Variants in CDC14A observed in about 807,000 individuals in gnomAD.
CDC14A encodes dual specificity protein phosphatase CDC14A.
Under a neutral mutation model 74.4 loss-of-function variants are expected in CDC14A, and 53 were observed. The observed-to-expected ratio is 0.71, with a 90% CI of 0.57 to 0.89. The LOEUF (loss-of-function observed/expected upper bound fraction) is 0.89, where lower values mean the gene tolerates loss of function less well. Ranked by LOEUF, CDC14A falls within the 40% of genes least tolerant of loss-of-function variation. The pLI is 0.00. For missense variants in CDC14A, 646 were observed against 713.7 expected (o/e 0.91, Z 1.08); for synonymous variants, 247 against 258.4 (o/e 0.96, Z 0.43).
chr1:100,392,242 C>T (rs1460267210), intron 4 of CDC14A, among the ~76,000 whole-genome samples: 1 of 152,136 alleles, frequency 6.6e-6, no homozygotes, highest in Non-Finnish European at 1.5e-5. Flanking sequence ...TATTTTTTAC[C>T]TTACATTGAT....
intron 15 of CDC14A, among the ~76,000 whole-genome samples, chr1:100,505,788 G>C: frequency 6.6e-6 from 1 of 152,098 alleles, no homozygotes; most frequent in East Asian, 1.9e-4. Flanking sequence ...CCTGAGGCTG[G>C]GTAATTCATA....
chr1:100,491,518 A>ATCTCTCTCTCTCTCTC (rs761858427), intron 11 of CDC14A, among the ~76,000 whole-genome samples: 5 of 26,590 alleles, frequency 1.9e-4, no homozygotes, highest in Non-Finnish European at 3.2e-4. Flanking sequence ...ATATATCTGC[A>ATCTCTCTCTCTCTCTC]TCTCTCTCTC....
intron 3 of CDC14A, among the ~76,000 whole-genome samples, chr1:100,388,550 AG>A (rs1246352065): frequency 6.6e-6 from 1 of 152,196 alleles, no homozygotes. Flanking sequence ...TCAGGAAATA[AG>A]GGCATTGGCA....
chr1:100,425,950 C>T (rs935998895), intron 5 of CDC14A, among the ~76,000 whole-genome samples: 1 of 152,196 alleles, frequency 6.6e-6, no homozygotes, highest in African/African-American at 2.4e-5. Flanking sequence ...ATAAGTATCT[C>T]GGACAAATTA....
chr1:100,497,761 C>A (rs879915543), intron 13 of CDC14A, among the ~76,000 whole-genome samples: 5 of 152,182 alleles, frequency 3.3e-5, no homozygotes, highest in Non-Finnish European at 7.3e-5. Flanking sequence ...GGTTTGAATC[C>A]CAGGTCTGCT....
chr1:100,406,825 C>A (rs1402185833), intron 4 of CDC14A, among the ~76,000 whole-genome samples: 1 of 151,688 alleles, frequency 6.6e-6, no homozygotes, highest in African/African-American at 2.4e-5. Context: ...TCTCAGGAGG[C>A]TGAGGCAGGA....
intron 5 of CDC14A, among the ~76,000 whole-genome samples, chr1:100,438,400 G>A (rs1664574913): frequency 1.3e-5 from 2 of 152,136 alleles, no homozygotes; most frequent in Admixed American, 1.3e-4. Flanking sequence ...CAGAGACTCT[G>A]AACCCCAAAG....
In CDC14A at chr1:100,438,054, A is replaced by T. The variant is rs186650010; in HGVS notation, c.390-1878A>T. 3.8e-3 allele frequency among the ~76,000 whole-genome samples: 573 copies of T among 152,242 alleles called. 1 individual carries two copies. The highest frequency in any genetic ancestry group is 6.9e-3 in the Non-Finnish European group (468 of 67,990). ...AATTATAAAGTTACATCCAATTATA[A>T]ATGTTGTAAATAAACTGTAGTAGCA... On this transcript the variant is annotated intron_variant, in intron 5 of 15. Coordinates refer to ENST00000336454, the MANE Select transcript of CDC14A (RefSeq NM_003672.4).
rs28364872 is a variant in CDC14A, at chr1:100,455,389, T to C, written c.520-16T>C. 2,434 of 1,557,554 alleles carry C rather than the reference T, an allele frequency of 1.6e-3. 37 individuals carry two copies. In the African/African-American group the frequency reaches 0.03, roughly 19 times the overall value. On this transcript the variant is annotated splice_polypyrimidine_tract_variant and intron_variant, in intron 7 of 15. Transcript: ENST00000336454. ...ATAAAATATTTTTCTTCTCTTTTCT[T>C]ACAAAATTCTGCCAGCGAGTTGAAA...
In CDC14A at chr1:100,508,919, A is replaced by T. The variant is rs1239143197; in HGVS notation, c.1756-9332A>T. 1.3e-5 allele frequency among the ~76,000 whole-genome samples: 2 copies of T among 152,174 alleles called. No individual in the cohort carries two copies. Among genetic ancestry groups the T allele is most frequent in the African/African-American group, 4.8e-5 (2 of 41,446 alleles). Reference sequence around the variant, plus strand: ...TTTCTTTCTTCTTCATCTTTAAAAAATATTTAATGCATGCATCCAGAGGGT... The same window carrying T: ...TTTCTTTCTTCTTCATCTTTAAAAATTATTTAATGCATGCATCCAGAGGGT... On this transcript the variant is annotated intron_variant, in intron 15 of 15. Coordinates refer to ENST00000336454, the MANE Select transcript of CDC14A (RefSeq NM_003672.4). This position sits in a 1 kb window ranked among gnomAD's most constrained non-coding sequence, Gnocchi z 4.4.
At chr1:100,383,659 G>T in intron 3 of CDC14A, 1 of 152,630 alleles carries the variant, frequency 6.6e-6, no homozygotes. Flanking sequence ...ATGATGCCTT[G>T]GTCATTGCGG....
intron 1 of CDC14A, 121 bp downstream of exon 1, chr1:100,353,124 C>G (rs1484098658): frequency 1.6e-5 from 17 of 1,072,120 alleles, no homozygotes; most frequent in Non-Finnish European, 2.1e-5. Flanking sequence ...CGCGCGCTCT[C>G]GTCCCCTCTA....
At chr1:100,346,564 T>C (rs1279968147) in intron 1 of CDC14A, among the ~76,000 whole-genome samples, 1 of 150,460 alleles carries the variant, frequency 6.6e-6, no homozygotes, top group Non-Finnish European at 1.5e-5. Flanking sequence ...CTTAGGAGGT[T>C]GAGGTTGCAG....
chr1:100,443,617 G>A (rs28361232), intron 7 of CDC14A, among the ~76,000 whole-genome samples: 160 of 152,134 alleles, frequency 1.1e-3, no homozygotes, highest in Non-Finnish European at 2.0e-3. Flanking sequence ...TTACAGGCAT[G>A]AGCCACCATG....
At chr1:100,429,781 A>T (rs1408467454) in intron 5 of CDC14A, among the ~76,000 whole-genome samples, 2 of 148,686 alleles carry the variant, frequency 1.3e-5, no homozygotes, top group African/African-American at 4.9e-5. Flanking sequence ...GTGTGTATAT[A>T]TATATATCAA....
chr1:100,513,425 G>C (rs1649948407), intron 15 of CDC14A, among the ~76,000 whole-genome samples: 1 of 152,008 alleles, frequency 6.6e-6, no homozygotes, highest in South Asian at 2.1e-4. Flanking sequence ...AAAGGACTGG[G>C]GAAAATGTAG....
At chr1:100,369,970 C>T (rs543122664) in intron 2 of CDC14A, among the ~76,000 whole-genome samples, 62 of 151,822 alleles carry the variant, frequency 4.1e-4, no homozygotes, top group Non-Finnish European at 7.8e-4. Flanking sequence ...GCCACCACAC[C>T]TGGCTAATTA....
At chr1:100,390,496 T>G (rs1454171380) in intron 3 of CDC14A, among the ~76,000 whole-genome samples, 1 of 152,224 alleles carries the variant, frequency 6.6e-6, no homozygotes, top group African/African-American at 2.4e-5. Flanking sequence ...CATATTAGTT[T>G]CTTTTCTGGG....
chr1:100,457,295 G>A (rs1026437083), intron 8 of CDC14A, among the ~76,000 whole-genome samples: 1 of 151,964 alleles, frequency 6.6e-6, no homozygotes, highest in Non-Finnish European at 1.5e-5. Flanking sequence ...AACAAAAGTG[G>A]CATCATAACA....
Sources: gnomAD v4.1 joint callset for allele counts (sites outside exome capture counted in the v4.1 genomes callset) on GRCh38, gnomAD v4.1.1 for gene constraint, Gnocchi (gnomAD v3.1) non-coding constraint, MANE v1.5 for transcripts, NCBI Gene and HGNC (gene_info 2026-07-23, HGNC 2026-07-21) for gene names.